GARIN4: variants seen among roughly 807,000 people sequenced by gnomAD.
The protein encoded by GARIN4 is Golgi-associated RAB2 interactor protein 4.
the GARIN4 span, chr1:212,625,433 G>T: frequency 6.2e-7 from 1 of 1,614,172 alleles, no homozygotes; most frequent in Non-Finnish European, 8.5e-7. Context: ...CAGTACCTGT[G>T]GCATTCCAGC....
the GARIN4 span, chr1:212,626,585 G>A: frequency 6.2e-7 from 1 of 1,614,166 alleles, no homozygotes. Flanking sequence ...CGAGACAGCA[G>A]AGGGTGGCCA....
the GARIN4 span, chr1:212,624,877 C>A: frequency 6.3e-7 from 1 of 1,577,820 alleles, no homozygotes; most frequent in Non-Finnish European, 8.6e-7. Flanking sequence ...GAAAGACAAC[C>A]ATGAATGCTG....
chr1:212,624,900 C>G, the GARIN4 span: 1 of 1,591,358 alleles, frequency 6.3e-7, no homozygotes, highest in Non-Finnish European at 8.6e-7. Context: ...TTTCTGCTGC[C>G]GTATTATACG....
the GARIN4 span, chr1:212,625,610 CA>C: frequency 6.2e-7 from 1 of 1,614,102 alleles, no homozygotes; most frequent in Non-Finnish European, 8.5e-7. Flanking sequence ...GGAGGGACTC[CA>C]AAATGACTTT....
chr1:212,625,667 A>G, the GARIN4 span: 7 of 1,614,030 alleles, frequency 4.3e-6, no homozygotes, highest in African/African-American at 8.0e-5. Context: ...CAAAACATCT[A>G]CAGAACTTGC....
At chr1:212,626,633 A>G in the GARIN4 span, 19 of 1,609,856 alleles carry the variant, frequency 1.2e-5, no homozygotes, top group Admixed American at 2.9e-4. Flanking sequence ...ACCGGACATC[A>G]TGGAGACAGT....
chr1:212,626,252 T>C, the GARIN4 span: 3 of 1,613,966 alleles, frequency 1.9e-6, no homozygotes, highest in Non-Finnish European at 2.5e-6. Flanking sequence ...CCAAAAGTCC[T>C]CCAGCAGGTC....
At chr1:212,625,077 G>A in the GARIN4 span, 62 of 1,613,946 alleles carry the variant, frequency 3.8e-5, no homozygotes, top group Middle Eastern at 1.6e-4. Context: ...AACCGTGTCC[G>A]TATGGTGACC....
At chr1:212,624,750 G>A in the GARIN4 span, 1 of 1,429,844 alleles carries the variant, frequency 7.0e-7, no homozygotes, top group Non-Finnish European at 9.1e-7. Context: ...GGTGGGGTGG[G>A]ATTGAGAGAC....
At chr1:212,625,063 G>T in the GARIN4 span, 1 of 1,614,160 alleles carries the variant, frequency 6.2e-7, no homozygotes, top group South Asian at 1.1e-5. Context: ...TGATTGATGT[G>T]CACAACCGTG....
chr1:212,626,230 A>G, the GARIN4 span: 1 of 1,614,176 alleles, frequency 6.2e-7, no homozygotes. Context: ...AAACAAGGGG[A>G]GACAAGATTG....
chr1:212,625,686 C>T, the GARIN4 span: 1 of 1,614,098 alleles, frequency 6.2e-7, no homozygotes, highest in Non-Finnish European at 8.5e-7. Context: ...GCTGAGGAGC[C>T]AGCAACAGGG....
the GARIN4 span, chr1:212,625,262 ATC>A: frequency 2.5e-6 from 4 of 1,614,172 alleles, no homozygotes; most frequent in South Asian, 4.4e-5. Context: ...GTTTGTACGG[ATC>A]TCTGTTCAAG....
the GARIN4 span, chr1:212,625,342 C>T: frequency 1.5e-5 from 25 of 1,614,112 alleles, no homozygotes; most frequent in Middle Eastern, 1.6e-4. Context: ...AATTGTGTCC[C>T]GCTCTTGACA....
At chr1:212,625,171 T>C in the GARIN4 span, 1 of 1,614,110 alleles carries the variant, frequency 6.2e-7, no homozygotes, top group Non-Finnish European at 8.5e-7. Context: ...GCGAAGAGTA[T>C]GCTGGACATG....
the GARIN4 span, chr1:212,625,135 G>A: frequency 6.2e-7 from 1 of 1,614,154 alleles, no homozygotes; most frequent in Non-Finnish European, 8.5e-7. Context: ...CAGATGTCAT[G>A]CTACTGGCAC....
the GARIN4 span, chr1:212,625,379 GA>G: frequency 6.2e-7 from 1 of 1,614,228 alleles, no homozygotes; most frequent in Non-Finnish European, 8.5e-7. Context: ...TGCCTATTGG[GA>G]AAAACTAATT....
chr1:212,626,641 A>G, the GARIN4 span: 2 of 1,607,030 alleles, frequency 1.2e-6, no homozygotes, highest in South Asian at 1.1e-5. Context: ...TCATGGAGAC[A>G]GTGACCTTTG....
chr1:212,625,414 GAGTAACAGC>G, the GARIN4 span: 1 of 1,614,230 alleles, frequency 6.2e-7, no homozygotes, highest in Non-Finnish European at 8.5e-7. Flanking sequence ...CACCCATGGA[GAGTAACAGC>G]AGTACCTGTG....
Sources: allele counts gnomAD v4.1 joint callset, GRCh38; gene constraint gnomAD v4.1.1; transcripts MANE v1.5; gene names NCBI Gene and HGNC (gene_info 2026-07-23, HGNC 2026-07-21).